GLDC: variants seen among roughly 807,000 people sequenced by gnomAD.
GLDC encodes the protein glycine decarboxylase, also known as glycine dehydrogenase (decarboxylating), mitochondrial.
GLDC carries 104 observed loss-of-function variants against 121.3 expected under a neutral mutation model. That is an observed-to-expected ratio of 0.86 (90% CI 0.73 to 1.01). GLDC has a LOEUF of 1.01. Ranked by LOEUF, GLDC falls within the 50% of genes least tolerant of loss-of-function variation. The probability of loss-of-function intolerance (pLI) is 0.00; values close to 1 mark genes in which losing one functional copy is unlikely to be tolerated. For missense variants in GLDC, 1,429 were observed against 1,306.6 expected, an observed-to-expected ratio of 1.09 and a Z score of -1.44; for synonymous variants, 546 against 480.6, an observed-to-expected ratio of 1.14 and a Z score of -1.78.
At chr9:6,634,126 G>A (rs531983912) in intron 2 of GLDC, among the ~76,000 whole-genome samples, 7 of 152,124 alleles carry the variant, frequency 4.6e-5, no homozygotes, top group South Asian at 2.1e-4. Context: ...CACCGCGCCC[G>A]GCAGAGGCGG....
intron 8 of GLDC, among the ~76,000 whole-genome samples, chr9:6,598,290 T>A (rs1376368919): frequency 1.3e-5 from 2 of 152,190 alleles, no homozygotes; most frequent in African/African-American, 4.8e-5. Context: ...CTTGGCCTCC[T>A]AAAGTGTTGA....
At chr9:6,612,910 T>A (rs1460216989) in intron 3 of GLDC, among the ~76,000 whole-genome samples, 1 of 152,086 alleles carries the variant, frequency 6.6e-6, no homozygotes. Flanking sequence ...GAGGCTGCAA[T>A]GAGCCATGAT....
chr9:6,588,730 G>A, intron 12 of GLDC, 28 bp from the exon 13 acceptor site: 3 of 1,461,850 alleles, frequency 2.1e-6, no homozygotes, highest in South Asian at 2.3e-5. Context: ...AGAATTAGGG[G>A]CCCCAAAAGT....
intron 9 of GLDC, among the ~76,000 whole-genome samples, chr9:6,594,732 A>G (rs111974970): frequency 6.1e-5 from 9 of 147,000 alleles, no homozygotes; most frequent in African/African-American, 2.5e-4. Context: ...AGCAAACAAG[A>G]AAGCAAGAAA....
intron 1 of GLDC, 26 bp downstream of exon 1, chr9:6,645,219 G>A (rs376171764): frequency 6.4e-7 from 1 of 1,561,250 alleles, no homozygotes; most frequent in African/African-American, 1.4e-5. Flanking sequence ...AGGGGAGGCC[G>A]CGGAGGGCCG....
intron 3 of GLDC, among the ~76,000 whole-genome samples, chr9:6,616,934 C>A (rs1248499278): frequency 1.3e-5 from 2 of 152,118 alleles, no homozygotes; most frequent in African/African-American, 2.4e-5. Context: ...ATATACCAAA[C>A]AGAAATAGCT....
intron 2 of GLDC, among the ~76,000 whole-genome samples, chr9:6,635,063 T>C (rs779791601): frequency 6.6e-6 from 1 of 152,220 alleles, no homozygotes; most frequent in African/African-American, 2.4e-5. Context: ...AATAACCACG[T>C]ATTTCCACAC....
intron 15 of GLDC, among the ~76,000 whole-genome samples, chr9:6,586,790 G>A (rs927438146): frequency 1.1e-4 from 17 of 152,176 alleles, no homozygotes; most frequent in Middle Eastern, 3.2e-3. Context: ...AGGAGGTTCG[G>A]CCATTAGAGA....
At chr9:6,586,124 C>T (rs1023667074) in intron 15 of GLDC, among the ~76,000 whole-genome samples, 6 of 151,974 alleles carry the variant, frequency 3.9e-5, no homozygotes, top group Admixed American at 2.6e-4. Flanking sequence ...GGAGAAACCC[C>T]ATCTCTACTA....
intron 15 of GLDC, among the ~76,000 whole-genome samples, chr9:6,582,240 C>T (rs924379382): frequency 1.4e-5 from 2 of 142,424 alleles, no homozygotes; most frequent in Non-Finnish European, 3.0e-5. Context: ...AAAAAAAAGC[C>T]GGGCATGGTG....
At chr9:6,633,317 C>T (rs1046556558) in intron 2 of GLDC, among the ~76,000 whole-genome samples, 8 of 152,166 alleles carry the variant, frequency 5.3e-5, no homozygotes, top group African/African-American at 1.9e-4. Context: ...TTTCTTTCTT[C>T]CCCACACTCC....
At chr9:6,564,116 C>T (rs551361589) in intron 16 of GLDC, among the ~76,000 whole-genome samples, 7 of 152,050 alleles carry the variant, frequency 4.6e-5, no homozygotes, top group South Asian at 2.1e-4. Context: ...GGCGTGGTGG[C>T]GCATGCCTGT....
intron 16 of GLDC, among the ~76,000 whole-genome samples, chr9:6,564,241 C>A (rs1817812003): frequency 6.7e-6 from 1 of 149,542 alleles, no homozygotes; most frequent in South Asian, 2.1e-4. Flanking sequence ...GGGCGAGACT[C>A]CATCTCAAAA....
intron 16 of GLDC, 124 bp from the exon 17 acceptor site, chr9:6,558,808 C>T: frequency 2.0e-6 from 2 of 1,001,672 alleles, no homozygotes; most frequent in South Asian, 1.3e-5. Context: ...TTAGGCTGAA[C>T]ACTAGTGCTT....
At chr9:6,628,898 A>G (rs1380948153) in intron 2 of GLDC, among the ~76,000 whole-genome samples, 1 of 152,170 alleles carries the variant, frequency 6.6e-6, no homozygotes, top group East Asian at 1.9e-4. Context: ...TTCTTGCAGA[A>G]TAAATGCCTG....
intron 15 of GLDC, among the ~76,000 whole-genome samples, chr9:6,586,658 C>T (rs148980504): frequency 5.9e-5 from 9 of 152,254 alleles, no homozygotes; most frequent in African/African-American, 2.2e-4. Flanking sequence ...AAAGACAGTC[C>T]GCAATGAACG....
intron 2 of GLDC, among the ~76,000 whole-genome samples, chr9:6,641,679 G>A (rs891159544): frequency 1.3e-5 from 2 of 152,178 alleles, no homozygotes; most frequent in African/African-American, 4.8e-5. Context: ...ATTAATACAT[G>A]AAAGCACGTT....
At chr9:6,620,742 CTAAT>C (rs1209584521) in intron 2 of GLDC, among the ~76,000 whole-genome samples, 1 of 152,230 alleles carries the variant, frequency 6.6e-6, no homozygotes, top group Non-Finnish European at 1.5e-5. Flanking sequence ...CAGCTTCAGT[CTAAT>C]TAACACATAA....
intron 15 of GLDC, among the ~76,000 whole-genome samples, chr9:6,585,658 G>C (rs1818254872): frequency 6.6e-6 from 1 of 152,132 alleles, no homozygotes; most frequent in Non-Finnish European, 1.5e-5. Flanking sequence ...CAGAAATTTT[G>C]CATTACTAAC....
Sources: gnomAD v4.1 joint callset for allele counts (sites outside exome capture counted in the v4.1 genomes callset) on GRCh38, gnomAD v4.1.1 for gene constraint, MANE v1.5 for transcripts, NCBI Gene and HGNC (gene_info 2026-07-23, HGNC 2026-07-21) for gene names.